DTL: variants seen among roughly 807,000 people sequenced by gnomAD.
DTL encodes denticleless protein homolog.
A neutral mutation model predicts 87.0 loss-of-function variants in DTL; 46 were observed. The ratio of observed to expected loss-of-function variants is 0.53; its 90% confidence interval spans 0.42 to 0.68. The LOEUF (loss-of-function observed/expected upper bound fraction) is 0.68. DTL is among the 30% of genes least tolerant of loss of function. The pLI is 0.00. For synonymous variants in DTL, 308 were observed against 311.2 expected, an observed-to-expected ratio of 0.99 and a Z score of 0.11; for missense variants, 737 against 869.4, an observed-to-expected ratio of 0.85 and a Z score of 1.91.
chr1:212,055,257 C>T (rs998879263), intron 5 of DTL, among the ~76,000 whole-genome samples: 8 of 150,978 alleles, frequency 5.3e-5, no homozygotes, highest in African/African-American at 1.7e-4. Flanking sequence ...AAGTGGGAGA[C>T]CCCCAGCAGC....
chr1:212,054,750 G>T (rs112340330), intron 5 of DTL, among the ~76,000 whole-genome samples: 2,995 of 145,260 alleles, frequency 0.021, 31 homozygotes, highest in African/African-American at 0.027. Context: ...AGCCAAAATC[G>T]TGCCACTGCA....
Position 212,035,795 on chromosome 1 carries a change from C to T in DTL, c.-96C>T. ...CAGTGGCGGGAGTTGGAGGCGATAA[C>T]GATTTGTGTTGTGAGAGGCGCAAGC... On this transcript the variant is annotated 5_prime_UTR_variant, in exon 1 of 15. The change creates a new upstream start codon in the 5' untranslated region. Coordinates refer to ENST00000366991, the MANE Select transcript of DTL (RefSeq NM_016448.4). 6 of 1,216,574 alleles carry T rather than the reference C, an allele frequency of 4.9e-6. No homozygotes were observed. The highest frequency in any genetic ancestry group is 3.9e-5 in the South Asian group (3 of 77,702). The allele number at this position is 1,216,574 out of a possible 1,614,324, so 75.4% of individuals were successfully genotyped here.
intron 1 of DTL, among the ~76,000 whole-genome samples, chr1:212,038,247 C>T (rs2102521444): frequency 6.6e-6 from 1 of 152,302 alleles, no homozygotes; most frequent in East Asian, 1.9e-4. Context: ...TGATTTTTTC[C>T]TCATGAACAG....
In DTL at chr1:212,103,022, A is replaced by C. The variant is rs1259114638; in HGVS notation, c.*82A>C. ...TCCACTAAAACAAGATGAAAAATAC[A>C]AGAGTGACTCTATAACTCTGGTCTT... On this transcript the variant is annotated 3_prime_UTR_variant, in exon 15 of 15. Transcript: ENST00000366991. 2 of 773,564 alleles carry C rather than the reference A, an allele frequency of 2.6e-6. No homozygotes were observed. 47.9% of individuals were successfully genotyped at this position (773,564 alleles called of 1,614,324 possible).
chr1:212,072,308 G>A (rs1457029991), intron 11 of DTL, 95 bp downstream of exon 11: 1 of 914,022 alleles, frequency 1.1e-6, no homozygotes, highest in East Asian at 2.5e-5. Context: ...GTAACCACGT[G>A]CTATACTATT....
At chr1:212,081,334 G>T (rs960681053) in intron 13 of DTL, among the ~76,000 whole-genome samples, 6 of 152,182 alleles carry the variant, frequency 3.9e-5, no homozygotes, top group Non-Finnish European at 8.8e-5. Flanking sequence ...GAGCATGCTT[G>T]GCATATTTTC....
At position 212,101,451 on chromosome 1, in the gene DTL, C is replaced by T. The variant is rs565007708; in HGVS notation, c.2094+367C>T. Among the ~76,000 whole-genome samples the T allele has an allele frequency of 1.1e-4, 17 of 152,286 alleles. No homozygotes were observed. The South Asian group carries it at 3.3e-3, about 30-fold the overall frequency. ...CCAGGATATCAATTCAAAAATATCT[C>T]CCCTCTCCTGTTAGACAGTATGCCA... On this transcript the variant is annotated intron_variant, in intron 14 of 14. Coordinates refer to ENST00000366991, the MANE Select transcript of DTL (RefSeq NM_016448.4).
At chr1:212,073,626 A>G (rs1314389981) in intron 11 of DTL, among the ~76,000 whole-genome samples, 1 of 152,210 alleles carries the variant, frequency 6.6e-6, no homozygotes, top group Non-Finnish European at 1.5e-5. Context: ...AAAATGCAAC[A>G]CTACTTTATT....
intron 13 of DTL, among the ~76,000 whole-genome samples, chr1:212,093,144 C>A (rs573844603): frequency 9.9e-5 from 15 of 152,104 alleles, no homozygotes; most frequent in Non-Finnish European, 2.2e-4. Context: ...CCTTGTCCCC[C>A]TTGCAGGGCG....
intron 5 of DTL, among the ~76,000 whole-genome samples, chr1:212,055,979 C>T (rs904801460): frequency 2.0e-5 from 3 of 152,246 alleles, no homozygotes; most frequent in African/African-American, 4.8e-5. Context: ...CCTGTACATG[C>T]AACCTGCAAG....
intron 5 of DTL, among the ~76,000 whole-genome samples, chr1:212,055,659 C>T (rs1668151257): frequency 6.6e-6 from 1 of 152,198 alleles, no homozygotes; most frequent in Non-Finnish European, 1.5e-5. Context: ...TGGGTACTCC[C>T]AGGGAAAGCA....
Position 212,051,321 on chromosome 1 carries a change from C to T in DTL, c.460+3904C>T, listed in dbSNP as rs575510983. Among the ~76,000 whole-genome samples, 177 of 151,936 alleles carry T rather than the reference C, an allele frequency of 1.2e-3. 1 individual carries two copies. Among genetic ancestry groups the T allele is most frequent in the African/African-American group, 2.6e-3 (107 of 41,448 alleles). The stretch of plus-strand genomic sequence containing the variant: ...CCTCTGATATCATTTCCTTGAACAA[C>T]GTATTTAACTTTTCTTATAGTGTGA... On this transcript the variant is annotated intron_variant, in intron 5 of 14. Coordinates refer to ENST00000366991, the MANE Select transcript of DTL (RefSeq NM_016448.4).
chr1:212,036,020 C>A, intron 1 of DTL, 78 bp downstream of exon 1: 1 of 1,423,464 alleles, frequency 7.0e-7, no homozygotes, highest in Non-Finnish European at 9.8e-7. Context: ...CCGACCAGGG[C>A]CGACTCCAAT....
intron 11 of DTL, among the ~76,000 whole-genome samples, chr1:212,072,546 G>A (rs1037262458): frequency 6.6e-6 from 1 of 152,096 alleles, no homozygotes; most frequent in Non-Finnish European, 1.5e-5. Context: ...TCTGCCCTAT[G>A]TTTTCAAACT....
Position 212,104,353 on chromosome 1 carries a change from G to A in DTL, c.*1413G>A, listed in dbSNP as rs1655712276. On this transcript the variant is annotated 3_prime_UTR_variant, in exon 15 of 15. Transcript: ENST00000366991. Reference sequence around the variant, plus strand: ...AAAGCTGTAACAACTGAAATTGCATGGATCAAGTAAGCATAGTTTTATCCA... The same window carrying A: ...AAAGCTGTAACAACTGAAATTGCATAGATCAAGTAAGCATAGTTTTATCCA... 1 of 152,108 alleles carries A rather than the reference G, an allele frequency of 6.6e-6. No individual in the cohort carries two copies. Among genetic ancestry groups the A allele is most frequent in the African/African-American group, 2.4e-5 (1 of 41,414 alleles). 9.4% of individuals were successfully genotyped at this position (152,108 alleles called of 1,614,324 possible).
intron 3 of DTL, among the ~76,000 whole-genome samples, chr1:212,046,118 T>G (rs1281811568): frequency 6.6e-6 from 1 of 152,142 alleles, no homozygotes; most frequent in Non-Finnish European, 1.5e-5. Context: ...TTCAGAAAGA[T>G]TCCATTGTAG....
chr1:212,062,814 T>C, intron 5 of DTL, 70 bp from the exon 6 acceptor site: 1 of 1,309,120 alleles, frequency 7.6e-7, no homozygotes, highest in South Asian at 1.2e-5. Context: ...GTCTACAAAA[T>C]GTAAACTGAA....
chr1:212,090,570 G>A (rs1314911503), intron 13 of DTL, among the ~76,000 whole-genome samples: 1 of 152,180 alleles, frequency 6.6e-6, no homozygotes, highest in Non-Finnish European at 1.5e-5. Flanking sequence ...GTTGTCTGTG[G>A]TAGGGCCCGA....
At chr1:212,080,187 A>G (rs947332460) in intron 12 of DTL, among the ~76,000 whole-genome samples, 6 of 152,216 alleles carry the variant, frequency 3.9e-5, no homozygotes, top group Non-Finnish European at 7.3e-5. Context: ...AAATGGTGCC[A>G]TTACTTTAGC....
Sources: gnomAD v4.1 joint callset for allele counts (sites outside exome capture counted in the v4.1 genomes callset) on GRCh38, gnomAD v4.1.1 for gene constraint, MANE v1.5 for transcripts, NCBI Gene and HGNC (gene_info 2026-07-23, HGNC 2026-07-21) for gene names.